MEIS2: variants seen among roughly 807,000 people sequenced by gnomAD.
MEIS2 encodes the protein Meis homeobox 2, also known as homeobox protein Meis2.
In MEIS2, 9 loss-of-function variants were observed where a neutral mutation model predicts 58.6. The ratio of observed to expected loss-of-function variants is 0.15; its 90% confidence interval spans 0.09 to 0.27. The LOEUF (loss-of-function observed/expected upper bound fraction) is 0.27, where lower values mean the gene tolerates loss of function less well. MEIS2 is among the 10% of genes least tolerant of loss of function. The pLI is 1.00. For synonymous variants in MEIS2, 221 were observed against 228.4 expected, an observed-to-expected ratio of 0.97 and a Z score of 0.29; for missense variants, 427 against 635.0, an observed-to-expected ratio of 0.67 and a Z score of 3.52.
intron 7 of MEIS2, among the ~76,000 whole-genome samples, chr15:37,053,974 T>C (rs907447565): frequency 2.0e-5 from 3 of 152,168 alleles, no homozygotes; most frequent in Non-Finnish European, 4.4e-5. Context: ...TGTAGGGGCA[T>C]AGACTGTTAT....
rs926691609 is a variant in MEIS2 at position 36,966,090 on chromosome 15, A to G, written c.901-15690T>C. On this transcript the variant is annotated intron_variant, in intron 8 of 11. Coordinates refer to ENST00000561208, the MANE Select transcript of MEIS2 (RefSeq NM_170675.5). ...AGATTCCAAGTTTTGAACAGTTCCT[A>G]GGCTATCCAAGTGGGAATTTGGCCA... Among the ~76,000 whole-genome samples the G allele has an allele frequency of 3.3e-5, 5 of 152,222 alleles. No homozygotes were observed. The East Asian group carries it at 9.7e-4, about 29-fold the overall frequency.
chr15:37,018,442 T>C (rs2141664068), intron 8 of MEIS2, among the ~76,000 whole-genome samples: 1 of 152,356 alleles, frequency 6.6e-6, no homozygotes, highest in South Asian at 2.1e-4. Flanking sequence ...ATTATGCAAC[T>C]TCAATCTATC....
chr15:36,935,569 A>G (rs2058135535), intron 9 of MEIS2, among the ~76,000 whole-genome samples: 3 of 152,184 alleles, frequency 2.0e-5, no homozygotes, highest in Admixed American at 1.3e-4. Context: ...AGGTTACAAC[A>G]GCAATATAAA....
intron 8 of MEIS2, among the ~76,000 whole-genome samples, chr15:37,033,246 C>T (rs572319675): frequency 9.9e-5 from 15 of 152,012 alleles, no homozygotes; most frequent in Non-Finnish European, 1.6e-4. Context: ...AGTTGCTCCA[C>T]GCTGGTTGGG....
chr15:36,890,000 A>G lies in MEIS2; in HGVS notation c.*2173T>C, dbSNP rs910719808. ...ATTCTACCTGACTAAATATAACACA[A>G]AACAATAGAAGTGTATTTCCTCGTT... On this transcript the variant is annotated 3_prime_UTR_variant, in exon 12 of 12. Coordinates refer to ENST00000561208, the MANE Select transcript of MEIS2 (RefSeq NM_170675.5). The G allele has an allele frequency of 1.3e-5, 2 of 152,194 alleles. No individual in the cohort carries two copies. Among genetic ancestry groups the G allele is most frequent in the African/African-American group, 4.8e-5 (2 of 41,454 alleles). The allele number at this position is 152,194 out of a possible 1,614,324, so 9.4% of individuals were successfully genotyped here.
chr15:36,939,303 T>G (rs2058291246), intron 9 of MEIS2, among the ~76,000 whole-genome samples: 1 of 152,282 alleles, frequency 6.6e-6, no homozygotes, highest in South Asian at 2.1e-4. Flanking sequence ...TTCTGAATAA[T>G]CCCTTTGTCA....
intron 8 of MEIS2, among the ~76,000 whole-genome samples, chr15:37,018,812 A>G (rs1296612173): frequency 2.0e-5 from 3 of 152,216 alleles, no homozygotes; most frequent in African/African-American, 7.2e-5. Context: ...AGGCACACAT[A>G]ATACAAAACT....
intron 7 of MEIS2, among the ~76,000 whole-genome samples, chr15:37,062,710 A>G (rs764149653): frequency 6.6e-5 from 10 of 152,236 alleles, no homozygotes; most frequent in Non-Finnish European, 1.5e-4. Flanking sequence ...CATCAAATTT[A>G]CATATAAGGA....
intron 8 of MEIS2, among the ~76,000 whole-genome samples, chr15:37,003,293 A>T (rs1008995951): frequency 2.0e-5 from 3 of 152,132 alleles, no homozygotes; most frequent in Admixed American, 1.3e-4. Context: ...TGCATTCATC[A>T]GACACTCACT....
chr15:37,042,597 T>C (rs1280540595), intron 7 of MEIS2, among the ~76,000 whole-genome samples: 1 of 152,226 alleles, frequency 6.6e-6, no homozygotes, highest in Admixed American at 6.5e-5. Context: ...CATCACCTTG[T>C]CTGAACACTG....
intron 8 of MEIS2, among the ~76,000 whole-genome samples, chr15:36,986,578 C>T (rs1428109192): frequency 6.6e-6 from 1 of 152,204 alleles, no homozygotes; most frequent in East Asian, 1.9e-4. Flanking sequence ...CACAAGTAGT[C>T]TGGCAGTTCT....
At chr15:36,995,981 A>G (rs71403538) in intron 8 of MEIS2, among the ~76,000 whole-genome samples, 46,936 of 79,656 alleles carry the variant, frequency 0.59, 10,255 homozygotes, top group Non-Finnish European at 0.64. Context: ...ATATATATAT[A>G]TATATATATA....
intron 8 of MEIS2, among the ~76,000 whole-genome samples, chr15:37,031,421 A>ATGTGTGTGTGTGTGTG (rs60605081): frequency 0.04 from 5,869 of 146,868 alleles, 166 homozygotes; most frequent in East Asian, 0.09. Flanking sequence ...TCCCTTGCAT[A>ATGTGTGTGTGTGTGTG]TGTGTGTGTG....
intron 8 of MEIS2, among the ~76,000 whole-genome samples, chr15:36,999,925 G>A (rs1419918480): frequency 3.9e-5 from 6 of 152,138 alleles, no homozygotes; most frequent in Admixed American, 3.9e-4. Context: ...GATGCTTGGA[G>A]TGATCATGGC....
chr15:36,915,944 T>C (rs1280139748), intron 9 of MEIS2, among the ~76,000 whole-genome samples: 1 of 152,176 alleles, frequency 6.6e-6, no homozygotes, highest in East Asian at 1.9e-4. Flanking sequence ...CAAGCTCTAT[T>C]GGGTTATCAG....
intron 7 of MEIS2, among the ~76,000 whole-genome samples, chr15:37,056,147 A>G (rs1174257555): frequency 6.6e-6 from 1 of 152,174 alleles, no homozygotes; most frequent in East Asian, 1.9e-4. Context: ...AACTGCATCA[A>G]TTTTCTATAG....
intron 9 of MEIS2, among the ~76,000 whole-genome samples, chr15:36,907,997 G>T (rs893587627): frequency 1.3e-5 from 2 of 151,350 alleles, no homozygotes; most frequent in Admixed American, 6.6e-5. Context: ...TAACAGCTAC[G>T]CATCTAACAA....
chr15:37,096,243 G>T, intron 3 of MEIS2, 46 bp downstream of exon 3: 1 of 1,527,554 alleles, frequency 6.5e-7, no homozygotes, highest in Non-Finnish European at 8.8e-7. Flanking sequence ...AAAGGGGAGG[G>T]GTAGTGAGGG....
chr15:37,026,942 C>A (rs2061728243), intron 8 of MEIS2, among the ~76,000 whole-genome samples: 1 of 152,148 alleles, frequency 6.6e-6, no homozygotes, highest in African/African-American at 2.4e-5. Flanking sequence ...TGGGACTTGG[C>A]AGTTCAGAAT....
Sources: allele counts gnomAD v4.1 joint callset (sites outside exome capture counted in the v4.1 genomes callset), GRCh38; gene constraint gnomAD v4.1.1; transcripts MANE v1.5; gene names NCBI Gene and HGNC (gene_info 2026-07-23, HGNC 2026-07-21).